The following RIC8B variants were observed in gnomAD, a reference collection of about 807,000 sequenced individuals.
RIC8B encodes the protein chaperone Ric-8B.
Under a neutral mutation model 57.5 loss-of-function variants are expected in RIC8B, and 16 were observed. The observed-to-expected ratio is 0.28, with a 90% CI of 0.19 to 0.42. The LOEUF (loss-of-function observed/expected upper bound fraction) is 0.42. Ranked by LOEUF, RIC8B falls within the 10% of genes least tolerant of loss-of-function variation. The pLI is 1.00. For synonymous variants in RIC8B, 216 were observed against 250.8 expected, an observed-to-expected ratio of 0.86 and a Z score of 1.31; for missense variants, 481 against 677.0, an observed-to-expected ratio of 0.71 and a Z score of 3.21.
rs918295527 is a variant in RIC8B at position 106,887,212 on chromosome 12, A to G, written c.*1197A>G. The stretch of plus-strand genomic sequence containing the variant: ...CACACGTACATACATTCATATATAT[A>G]CATATATACATAATGTGCTTAACCA... On this transcript the variant is annotated 3_prime_UTR_variant, in exon 10 of 10. Transcript: ENST00000392837. 1 of 152,604 alleles carries G rather than the reference A, an allele frequency of 6.6e-6. No individual in the cohort carries two copies. The highest frequency in any genetic ancestry group is 6.5e-5 in the Admixed American group (1 of 15,280). 9.5% of individuals were successfully genotyped at this position (152,604 alleles called of 1,614,324 possible). A position where few individuals can be genotyped will look rare whatever the true frequency, so the allele number is the denominator to read the frequency against.
intron 7 of RIC8B, 31 bp downstream of exon 7, chr12:106,851,625 T>G (rs1289033315): frequency 1.3e-6 from 2 of 1,596,540 alleles, no homozygotes; most frequent in South Asian, 2.2e-5. Context: ...CTCTGCCTTT[T>G]ATCTTTCAGA....
chr12:106,876,128 A>T (rs1950654824), intron 9 of RIC8B, among the ~76,000 whole-genome samples: 1 of 152,100 alleles, frequency 6.6e-6, no homozygotes, highest in African/African-American at 2.4e-5. Flanking sequence ...TCTTGTTTTC[A>T]TCAGAATATT....
chr12:106,842,060 C>A (rs946725537), intron 4 of RIC8B, among the ~76,000 whole-genome samples: 2 of 152,082 alleles, frequency 1.3e-5, no homozygotes, highest in African/African-American at 4.8e-5. Flanking sequence ...ATATGTCTTA[C>A]AAAAATTGGG....
chr12:106,869,134 A>G (rs1268998853), intron 8 of RIC8B, among the ~76,000 whole-genome samples: 1 of 152,110 alleles, frequency 6.6e-6, no homozygotes, highest in East Asian at 1.9e-4. Context: ...TAATGGGGGA[A>G]AAGTTTTAAA....
intron 2 of RIC8B, among the ~76,000 whole-genome samples, chr12:106,809,236 T>C (rs1165610790): frequency 2.0e-5 from 3 of 152,086 alleles, no homozygotes; most frequent in Non-Finnish European, 4.4e-5. Context: ...AAGAATTGTG[T>C]GGTGGGACCG....
At position 106,866,439 on chromosome 12, in the gene RIC8B, G is replaced by C. The variant is rs555013337; in HGVS notation, c.1452-4384G>C. On this transcript the variant is annotated intron_variant, in intron 8 of 9. Transcript: ENST00000392837. ...TTTTGTTCTTTATATTGTTTTTTGG[G>C]GGAGCAGTGTATTCTGGGTTTTTCC... is the stretch of plus-strand genomic sequence containing the variant. Among the ~76,000 whole-genome samples, 3 of 151,766 alleles carry C rather than the reference G, an allele frequency of 2.0e-5. No individual in the cohort carries two copies. The East Asian group carries it at 5.8e-4, about 29-fold the overall frequency.
chr12:106,814,882 A>G lies in RIC8B; in HGVS notation c.319A>G (p.Lys107Glu), dbSNP rs760798582. 1 of 1,614,202 alleles carries G rather than the reference A, an allele frequency of 6.2e-7. No individual in the cohort carries two copies. Among genetic ancestry groups the G allele is most frequent in the South Asian group, 1.1e-5 (1 of 91,088 alleles). ...KLNELDDSLE[K>E]VSEFPVIVES... ...AAATGAGTTAGATGATTCTTTGGAG[A>G]AAGTATCAGAGTTCCCAGTTATTGT... The change falls in exon 3 of 10, where the codon AAA becomes GAA. Residue 107 changes from lysine (K) to glutamate (E), a missense_variant. Physicochemically the swap from Lys to Glu is moderately conservative, Grantham distance 56. Around this residue, in one of 3 missense-constraint regions of RIC8B, gnomAD observed 421 missense variants for 560.9 expected, o/e 0.75. Coordinates refer to ENST00000392837, the MANE Select transcript of RIC8B (RefSeq NM_001330145.2).
intron 6 of RIC8B, 135 bp from the exon 7 acceptor site, chr12:106,851,315 C>CT (rs34606963): frequency 0.12 from 25,260 of 211,790 alleles, 4,156 homozygotes; most frequent in African/African-American, 0.34. Flanking sequence ...GGAAGCTAAC[C>CT]TTTTTTTTTT....
At chr12:106,794,130 T>C (rs1024669213) in intron 2 of RIC8B, among the ~76,000 whole-genome samples, 1 of 152,138 alleles carries the variant, frequency 6.6e-6, no homozygotes, top group Non-Finnish European at 1.5e-5. Context: ...AAGAGCCCAA[T>C]AGACATTCTG....
intron 2 of RIC8B, 127 bp from the exon 3 acceptor site, chr12:106,814,569 T>TA (rs1435676839): frequency 1.7e-5 from 17 of 1,003,964 alleles, no homozygotes; most frequent in Non-Finnish European, 2.3e-5. Flanking sequence ...TTCCGTGATT[T>TA]AAAAAATAAT....
chr12:106,829,992 A>G (rs2046287676), intron 4 of RIC8B, among the ~76,000 whole-genome samples: 1 of 152,196 alleles, frequency 6.6e-6, no homozygotes, highest in African/African-American at 2.4e-5. Flanking sequence ...TTGAATATAT[A>G]TATGTGAGAG....
chr12:106,799,961 T>C (rs1174279158), intron 2 of RIC8B, among the ~76,000 whole-genome samples: 4 of 152,166 alleles, frequency 2.6e-5, no homozygotes, highest in African/African-American at 9.7e-5. Flanking sequence ...ATCAAGATGC[T>C]GTCAAGGTAG....
At chr12:106,850,828 C>T (rs1949438988) in intron 6 of RIC8B, among the ~76,000 whole-genome samples, 1 of 151,942 alleles carries the variant, frequency 6.6e-6, no homozygotes, top group Non-Finnish European at 1.5e-5. Flanking sequence ...GTCCAGAATG[C>T]TCCCAAATCT....
At chr12:106,830,722 C>T (rs2046318229) in intron 4 of RIC8B, among the ~76,000 whole-genome samples, 1 of 152,114 alleles carries the variant, frequency 6.6e-6, no homozygotes, top group African/African-American at 2.4e-5. Flanking sequence ...AGACTAAATT[C>T]CCAGACTGCC....
intron 1 of RIC8B, among the ~76,000 whole-genome samples, chr12:106,776,872 C>T (rs1187337458): frequency 6.6e-6 from 1 of 152,132 alleles, no homozygotes; most frequent in Non-Finnish European, 1.5e-5. Flanking sequence ...CAGAAGAAAG[C>T]GCTCCCTTCT....
chr12:106,841,327 C>G (rs1055445800), intron 4 of RIC8B, among the ~76,000 whole-genome samples: 2 of 152,060 alleles, frequency 1.3e-5, no homozygotes, highest in African/African-American at 2.4e-5. Flanking sequence ...TCTGCATTGT[C>G]TAACTTTTCA....
chr12:106,839,528 G>A (rs2046770838), intron 4 of RIC8B, among the ~76,000 whole-genome samples: 1 of 152,124 alleles, frequency 6.6e-6, no homozygotes, highest in Non-Finnish European at 1.5e-5. Flanking sequence ...TGGTTATCTG[G>A]GGCTGGGGAG....
chr12:106,881,333 T>C (rs1950920101), intron 9 of RIC8B, among the ~76,000 whole-genome samples: 1 of 151,870 alleles, frequency 6.6e-6, no homozygotes, highest in Admixed American at 6.6e-5. Flanking sequence ...GCATCTCTTT[T>C]GAGTTGTTTT....
chr12:106,827,479 C>G (rs1167142473), intron 4 of RIC8B, among the ~76,000 whole-genome samples: 1 of 152,042 alleles, frequency 6.6e-6, no homozygotes, highest in Non-Finnish European at 1.5e-5. Context: ...GAAACATATG[C>G]TTAATTGTTA....
Sources: allele counts gnomAD v4.1 joint callset (sites outside exome capture counted in the v4.1 genomes callset), GRCh38; gene constraint gnomAD v4.1.1; regional missense constraint gnomAD v4.1.1; transcripts MANE v1.5; gene names NCBI Gene and HGNC (gene_info 2026-07-23, HGNC 2026-07-21).